The following AMMECR1 variants were observed in gnomAD, a reference collection of about 807,000 sequenced individuals.
AMMECR1 encodes the protein nuclear protein AMMECR1.
AMMECR1 carries 3 observed loss-of-function variants against 22.5 expected under a neutral mutation model. The observed-to-expected ratio is 0.13, with a 90% CI of 0.06 to 0.35. AMMECR1 has a LOEUF of 0.35. Ranked by LOEUF, AMMECR1 falls within the 10% of genes least tolerant of loss-of-function variation. AMMECR1 has a pLI of 1.00. For missense variants in AMMECR1, 235 were observed against 278.7 expected (o/e 0.84, Z 1.12); for synonymous variants, 130 against 116.7 (o/e 1.11, Z -0.74).
intron 2 of AMMECR1, among the ~76,000 whole-genome samples, chrX:110,360,574 T>C (rs947072282): frequency 1.3e-4 from 15 of 111,128 alleles, no homozygotes; most frequent in Non-Finnish European, 1.7e-4. Flanking sequence ...TAATGGAGAG[T>C]AGAAGAAAGG....
chrX:110,338,110 T>G, intron 2 of AMMECR1, among the ~76,000 whole-genome samples: 1 of 112,181 alleles, frequency 8.9e-6, no homozygotes, highest in Admixed American at 9.4e-5. Context: ...GAGTTTCAGT[T>G]GTACAAGATG....
intron 2 of AMMECR1, among the ~76,000 whole-genome samples, chrX:110,245,891 G>C (rs1285367228): frequency 1.8e-5 from 2 of 111,447 alleles, no homozygotes; most frequent in Admixed American, 9.5e-5. Context: ...TCACAAAAAT[G>C]ACCATCTCTC....
intron 2 of AMMECR1, among the ~76,000 whole-genome samples, chrX:110,411,568 T>A (rs2068642054): frequency 8.9e-6 from 1 of 111,917 alleles, no homozygotes; most frequent in African/African-American, 3.3e-5. Context: ...AACGAGAAAC[T>A]GTAGAATCTA....
chrX:110,423,554 A>G (rs140960261), intron 2 of AMMECR1, among the ~76,000 whole-genome samples: 1 of 111,814 alleles, frequency 8.9e-6, no homozygotes, highest in East Asian at 2.8e-4. Context: ...TCAGTTCTCA[A>G]CCACTTTAAC....
chrX:110,361,911 G>A (rs1429763478), intron 2 of AMMECR1, among the ~76,000 whole-genome samples: 2 of 111,768 alleles, frequency 1.8e-5, no homozygotes, highest in African/African-American at 6.5e-5. Context: ...CCATAGATGA[G>A]CATGGCTGTG....
intron 2 of AMMECR1, among the ~76,000 whole-genome samples, chrX:110,365,576 C>T (rs1023681066): frequency 1.8e-5 from 2 of 111,958 alleles, no homozygotes; most frequent in Non-Finnish European, 3.8e-5. Context: ...GCAATAATCT[C>T]TCTCTAATAT....
At chrX:110,211,976 G>A (rs1008046827) in intron 3 of AMMECR1, among the ~76,000 whole-genome samples, 6 of 111,808 alleles carry the variant, frequency 5.4e-5, no homozygotes, top group Non-Finnish European at 1.1e-4. Context: ...ACATATGGAA[G>A]CATTATTGAT....
chrX:110,333,907 A>G (rs1218076495), intron 2 of AMMECR1, among the ~76,000 whole-genome samples: 2 of 110,386 alleles, frequency 1.8e-5, no homozygotes, highest in East Asian at 5.6e-4. Context: ...GCAAACCACC[A>G]TGGCACGTGT....
At chrX:110,254,269 A>G (rs2067699962) in intron 2 of AMMECR1, among the ~76,000 whole-genome samples, 1 of 112,067 alleles carries the variant, frequency 8.9e-6, no homozygotes, top group Admixed American at 9.5e-5. Flanking sequence ...ACTAGTTAGT[A>G]TTAGACCAGA....
chrX:110,391,588 C>T (rs2068493935), intron 2 of AMMECR1, among the ~76,000 whole-genome samples: 1 of 111,980 alleles, frequency 8.9e-6, no homozygotes, highest in Non-Finnish European at 1.9e-5. Flanking sequence ...GTGGCAGAAC[C>T]GTTTTAGGAA....
chrX:110,389,549 A>T (rs2148284681), intron 2 of AMMECR1, among the ~76,000 whole-genome samples: 1 of 112,322 alleles, frequency 8.9e-6, no homozygotes, highest in Admixed American at 9.4e-5. Context: ...TAAGTAAATA[A>T]AATCTCACAC....
At chrX:110,228,487 G>A (rs2067545174) in intron 2 of AMMECR1, among the ~76,000 whole-genome samples, 1 of 111,161 alleles carries the variant, frequency 9.0e-6, no homozygotes, top group Non-Finnish European at 1.9e-5. Context: ...CCAATTCACT[G>A]ATCTTTCCAT....
In AMMECR1 at chrX:110,369,350, A is replaced by G. The variant is rs919897392; in HGVS notation, c.-147-51501T>C. On this transcript the variant is annotated intron_variant, in intron 2 of 7. Coordinates refer to the AMMECR1 transcript ENST00000372057. ...CTGTCTCAGTAAAAGAAAAAAAGAA[A>G]AAAAGAAAAAGAAAGATTTTTGCCA... Among the ~76,000 whole-genome samples, 4 of 111,617 alleles carry G rather than the reference A, an allele frequency of 3.6e-5. No homozygotes were observed. In the Admixed American group the frequency reaches 3.8e-4, roughly 11 times the overall value.
chrX:110,371,895 A>G (rs2068341258), intron 2 of AMMECR1, among the ~76,000 whole-genome samples: 2 of 110,996 alleles, frequency 1.8e-5, no homozygotes, highest in African/African-American at 3.3e-5. Flanking sequence ...CAATGCTCAC[A>G]CTGTTATAAA....
chrX:110,354,555 C>T (rs1445516319), intron 2 of AMMECR1, among the ~76,000 whole-genome samples: 2 of 111,464 alleles, frequency 1.8e-5, no homozygotes, highest in Non-Finnish European at 3.8e-5. Flanking sequence ...ATCTGTGGGA[C>T]GTCTTGGAAC....
chrX:110,353,743 G>A (rs189099553), intron 2 of AMMECR1, among the ~76,000 whole-genome samples: 97 of 111,666 alleles, frequency 8.7e-4, no homozygotes, highest in African/African-American at 2.9e-3. Context: ...CTATCATGGA[G>A]AGTGTTCCAT....
At chrX:110,278,613 G>A (rs1004543159) in intron 1 of AMMECR1, among the ~76,000 whole-genome samples, 19 of 111,601 alleles carry the variant, frequency 1.7e-4, no homozygotes, top group African/African-American at 6.2e-4. Flanking sequence ...TAAACAAAAG[G>A]ACCACACTCC....
At chrX:110,304,376 C>G (rs2067983260) in intron 1 of AMMECR1, among the ~76,000 whole-genome samples, 2 of 111,958 alleles carry the variant, frequency 1.8e-5, no homozygotes, top group African/African-American at 6.5e-5. Context: ...AGAAAGTGAC[C>G]AAACCATTTA....
At chrX:110,419,432 C>G (rs2068701943) in intron 2 of AMMECR1, among the ~76,000 whole-genome samples, 1 of 112,535 alleles carries the variant, frequency 8.9e-6, no homozygotes, top group Non-Finnish European at 1.9e-5. Context: ...TCCTGTTCCT[C>G]TCTTACATTT....
Sources: allele counts gnomAD v4.1 joint callset (sites outside exome capture counted in the v4.1 genomes callset), GRCh38; gene constraint gnomAD v4.1.1; transcripts MANE v1.5; gene names NCBI Gene and HGNC (gene_info 2026-07-23, HGNC 2026-07-21).